The following ZNF280C variants were observed in gnomAD, a reference collection of about 807,000 sequenced individuals.
ZNF280C encodes the protein suppressor of hairy wing homolog 3.
Under a neutral mutation model 53.6 loss-of-function variants are expected in ZNF280C, and 14 were observed. The ratio of observed to expected loss-of-function variants is 0.26; its 90% CI spans 0.17 to 0.41. The LOEUF (loss-of-function observed/expected upper bound fraction) is 0.41. ZNF280C is among the 10% of genes least tolerant of loss of function. ZNF280C has a pLI of 1.00. For missense variants in ZNF280C, 416 were observed against 547.1 expected (o/e 0.76, Z 2.39); for synonymous variants, 203 against 181.1 (o/e 1.12, Z -0.97).
At chrX:130,237,282 T>C in intron 6 of ZNF280C, among the ~76,000 whole-genome samples, 1 of 111,762 alleles carries the variant, frequency 8.9e-6, no homozygotes, top group Non-Finnish European at 1.9e-5. Context: ...TGAAAAGGTT[T>C]AGAGTTAGTA....
chrX:130,213,147 A>C (rs1267947907), intron 15 of ZNF280C, among the ~76,000 whole-genome samples: 1 of 111,028 alleles, frequency 9.0e-6, no homozygotes, highest in Non-Finnish European at 1.9e-5. Context: ...AGGTCAGGAG[A>C]TCGAGACCAT....
chrX:130,263,441 A>G (rs187018651), intron 1 of ZNF280C, among the ~76,000 whole-genome samples: 1 of 112,481 alleles, frequency 8.9e-6, no homozygotes, highest in East Asian at 2.8e-4. Context: ...TACTAAGTGA[A>G]GGAAGACAGT....
intron 12 of ZNF280C, among the ~76,000 whole-genome samples, chrX:130,222,711 C>A (rs1180176058): frequency 8.9e-6 from 1 of 112,314 alleles, no homozygotes; most frequent in African/African-American, 3.2e-5. Flanking sequence ...GTTGCCCAGG[C>A]TGGAGTGCAA....
At chrX:130,253,302 A>G (rs1443390446) in intron 2 of ZNF280C, among the ~76,000 whole-genome samples, 1 of 112,855 alleles carries the variant, frequency 8.9e-6, no homozygotes, top group Non-Finnish European at 1.9e-5. Flanking sequence ...TACGCTCATG[A>G]ATTGGATGAA....
intron 16 of ZNF280C, 65 bp from the exon 17 acceptor site, chrX:130,205,480 T>G: frequency 1.6e-5 from 12 of 740,635 alleles, no homozygotes; most frequent in Non-Finnish European, 2.4e-5. Flanking sequence ...ATGAGCTCAA[T>G]AATTACTTTT....
chrX:130,225,715 A>T (rs1316875365), intron 12 of ZNF280C, among the ~76,000 whole-genome samples: 1 of 110,963 alleles, frequency 9.0e-6, no homozygotes, highest in Non-Finnish European at 1.9e-5. Context: ...AACACAGGTA[A>T]TCTGAATGTG....
intron 2 of ZNF280C, among the ~76,000 whole-genome samples, chrX:130,258,447 C>T (rs898173584): frequency 3.6e-5 from 4 of 111,936 alleles, no homozygotes; most frequent in Non-Finnish European, 7.5e-5. Context: ...TCTTTTAAAA[C>T]ATTTTGATTT....
At position 130,236,556 on chromosome X, in the gene ZNF280C, C is replaced by T; in HGVS notation, c.577G>A (p.Glu193Lys). ...SVTPKKPKTSEDVPQINPSTS... is the reference protein window; with the variant it reads ...SVTPKKPKTSKDVPQINPSTS... ...GAGGGATTTATCTGAGGAACATCTT[C>T]ACTGGTCTTTGGTTTTTTTGGAGTA... The change falls in exon 7 of 19, where the codon GAA becomes AAA. Residue 193 changes from glutamate to lysine, a missense_variant. Around this residue, in one of 3 missense-constraint regions of ZNF280C, gnomAD observed 193 missense variants for 201.4 expected, o/e 0.96. Transcript: ENST00000370978. 1 of 1,206,630 alleles carries T rather than the reference C, an allele frequency of 8.3e-7. No homozygotes were observed. The highest frequency in any genetic ancestry group is 1.1e-6 in the Non-Finnish European group (1 of 891,872).
In ZNF280C at chrX:130,205,298, A is replaced by G. The variant is rs765818745; in HGVS notation, c.2160T>C (p.Asn720=). Residue 720 remains asparagine (N), a splice_region_variant and synonymous_variant, in exon 17 of 19, where the codon AAT becomes AAC. Transcript: ENST00000370978. ...KTHTCQVIIE[N]VSKSTSTSEP... ...AGAAACACAATTATATATACGTACC[A>G]TTCTCTATTATAACTTGGCAAGTAT... The G allele has an allele frequency of 3.4e-6, 4 of 1,180,864 alleles. No homozygotes were observed. The highest frequency in any genetic ancestry group is 2.2e-5 in the Admixed American group (1 of 45,030).
At chrX:130,216,207 G>A (rs2032102842) in intron 13 of ZNF280C, 106 bp from the exon 14 acceptor site, 2 of 754,865 alleles carry the variant, frequency 2.6e-6, no homozygotes, top group African/African-American at 2.1e-5. Context: ...AACTGGCAAG[G>A]GTCCCAAAAC....
intron 2 of ZNF280C, among the ~76,000 whole-genome samples, chrX:130,258,726 G>C (rs139707195): frequency 8.9e-6 from 1 of 111,898 alleles, no homozygotes; most frequent in Non-Finnish European, 1.9e-5. Context: ...TGTGTCCTTT[G>C]AAGTCCTCAT....
At chrX:130,228,709 T>C (rs2032248043) in intron 10 of ZNF280C, among the ~76,000 whole-genome samples, 1 of 98,215 alleles carries the variant, frequency 1.0e-5, no homozygotes, top group African/African-American at 3.8e-5. Context: ...CAATTGATCA[T>C]AGCATTCTAT....
intron 8 of ZNF280C, among the ~76,000 whole-genome samples, chrX:130,232,612 A>T (rs2032289735): frequency 8.9e-6 from 1 of 111,913 alleles, no homozygotes; most frequent in Admixed American, 9.5e-5. Flanking sequence ...AACCATTAGG[A>T]AAATGCAAAC....
chrX:130,247,195 G>A (rs1158603590), intron 2 of ZNF280C, among the ~76,000 whole-genome samples, 190 bp from the exon 3 acceptor site: 1 of 111,734 alleles, frequency 8.9e-6, no homozygotes, highest in Non-Finnish European at 1.9e-5. Context: ...TGCAACCTCC[G>A]CCTCCTGGGT....
chrX:130,243,636 G>A lies in ZNF280C; in HGVS notation c.308C>T (p.Ala103Val). ...TACAAGATGAAATCTAGGCGAGGCA[G>A]CCACTGGATTTGATGGTGGGTCTCT... ...RCRDPPSNPV[A>V]ASPRFHLVSK... is the part of the protein sequence containing the mutation. The change falls in exon 5 of 19, where the codon GCT (alanine) becomes GTT (valine). Residue 103 changes from alanine to valine, a missense_variant. Ala to Val is a moderately conservative substitution (Grantham distance 64). Transcript: ENST00000370978. 8.3e-7 allele frequency: 1 copy of A among 1,210,510 alleles called. No individual in the cohort carries two copies. The highest frequency in any genetic ancestry group is 1.1e-6 in the Non-Finnish European group (1 of 894,177).
rs141239358 is a variant in ZNF280C, at chrX:130,260,957, T to C, written c.-16-492A>G. On this transcript the variant is annotated intron_variant, in intron 1 of 18. Coordinates refer to ENST00000370978, the MANE Select transcript of ZNF280C (RefSeq NM_017666.5). ...TGAAATGCTAAGTGACATTAATCTTTAACTGATTCCTATTCTTCACATTTC... is the reference window on the plus strand; with the variant it reads ...TGAAATGCTAAGTGACATTAATCTTCAACTGATTCCTATTCTTCACATTTC... 6.2e-3 allele frequency among the ~76,000 whole-genome samples: 702 copies of C among 112,553 alleles called. 5 individuals are homozygous for C. Among genetic ancestry groups the C allele is most frequent in the Non-Finnish European group, 0.01 (538 of 53,312 alleles).
rs35019405 is a variant in ZNF280C, at chrX:130,204,999, GAA to G, written c.2199-9_2199-8del. On this transcript the variant is annotated splice_polypyrimidine_tract_variant and splice_region_variant and intron_variant, in intron 18 of 18. Transcript: ENST00000370978. Reference sequence around the variant, plus strand: ...AATCTATTTCAATGAGCAGCTTTAAGAAAAAAAAAAAAAAACTTTAATATTTT... The same window carrying G: ...AATCTATTTCAATGAGCAGCTTTAAGAAAAAAAAAAAAACTTTAATATTTT... The G allele has an allele frequency of 2.4e-4, 214 of 906,441 alleles. No homozygotes were observed. Among genetic ancestry groups the G allele is most frequent in the South Asian group, 4.7e-4 (12 of 25,797 alleles). The allele number at this position is 906,441 out of a possible 1,213,427, so 74.7% of individuals were successfully genotyped here. A position where few individuals can be genotyped will look rare whatever the true frequency, so the allele number is the denominator to read the frequency against.
At chrX:130,251,007 G>T (rs2032501491) in intron 2 of ZNF280C, among the ~76,000 whole-genome samples, 1 of 109,689 alleles carries the variant, frequency 9.1e-6, no homozygotes, top group Admixed American at 9.8e-5. Flanking sequence ...AGAGGCAGAA[G>T]ATTCACTTGA....
intron 2 of ZNF280C, among the ~76,000 whole-genome samples, chrX:130,253,054 C>A (rs985565538): frequency 8.9e-6 from 1 of 112,029 alleles, no homozygotes; most frequent in African/African-American, 3.2e-5. Flanking sequence ...AGCTGATAAA[C>A]AACTTCAGCA....
Sources: allele counts gnomAD v4.1 joint callset (sites outside exome capture counted in the v4.1 genomes callset), GRCh38; gene constraint gnomAD v4.1.1; regional missense constraint gnomAD v4.1.1; transcripts MANE v1.5; gene names NCBI Gene and HGNC (gene_info 2026-07-23, HGNC 2026-07-21).